The following MAP3K7 variants were observed in gnomAD, a reference collection of about 807,000 sequenced individuals.
MAP3K7 encodes the protein TGF-beta activated kinase 1.
A neutral mutation model predicts 84.8 loss-of-function variants in MAP3K7; 21 were observed. The ratio of observed to expected loss-of-function variants is 0.25; its 90% CI spans 0.18 to 0.36. The LOEUF is 0.36. MAP3K7 is among the 10% of genes least tolerant of loss of function. MAP3K7 has a pLI of 1.00. For synonymous variants in MAP3K7, 241 were observed against 247.7 expected (o/e 0.97, Z 0.25); for missense variants, 503 against 747.7 (o/e 0.67, Z 3.82).
In MAP3K7 at chr6:90,516,450, TAA is replaced by T. The variant is rs200763682; in HGVS notation, c.*49_*50del. On this transcript the variant is annotated 3_prime_UTR_variant, in exon 17 of 17. Transcript: ENST00000369329. The stretch of plus-strand genomic sequence containing the variant: ...CGTCATTATAAGGTTTTCCTTTCCT[TAA>T]AAAAAAAGTCTTTCTTTGCATATTT... The T allele has an allele frequency of 8.4e-6, 13 of 1,540,052 alleles. 1 individual carries two copies. Among genetic ancestry groups the T allele is most frequent in the Middle Eastern group, 1.7e-4 (1 of 5,844 alleles).
intron 5 of MAP3K7, among the ~76,000 whole-genome samples, chr6:90,558,157 CT>C (rs569948169): frequency 3.8e-4 from 58 of 151,860 alleles, no homozygotes; most frequent in Non-Finnish European, 6.5e-4. Flanking sequence ...CCTGTCTCTA[CT>C]AAAAATACAA....
chr6:90,523,680 G>A lies in MAP3K7; in HGVS notation c.1460C>T (p.Thr487Ile). ...RSHPWTPDDS[T>I]DTNGSDNSIP... ...GTATGAAGAAACAGACTGGTCACCTGTGGAATCATCAGGGGTCCATGGATG... is the reference window on the plus strand; with the variant it reads ...GTATGAAGAAACAGACTGGTCACCTATGGAATCATCAGGGGTCCATGGATG... The change falls in exon 14 of 17, where the codon ACA becomes ATA. Residue 487 changes from threonine to isoleucine, a missense_variant and splice_region_variant. By Grantham distance (89) the Thr-to-Ile change is moderately conservative. Coordinates refer to ENST00000369329, the MANE Select transcript of MAP3K7 (RefSeq NM_145331.3). 6.2e-7 allele frequency: 1 copy of A among 1,606,976 alleles called. No homozygotes were observed. Among genetic ancestry groups the A allele is most frequent in the Non-Finnish European group, 8.5e-7 (1 of 1,173,648 alleles).
chr6:90,552,257 A>G, intron 7 of MAP3K7, 78 bp from the exon 8 acceptor site: 1 of 1,313,856 alleles, frequency 7.6e-7, no homozygotes, highest in South Asian at 1.5e-5. Context: ...ACGTATTTCC[A>G]AAGTGGTATT....
At chr6:90,567,319 C>G (rs1776742146) in intron 3 of MAP3K7, among the ~76,000 whole-genome samples, 1 of 152,162 alleles carries the variant, frequency 6.6e-6, no homozygotes, top group Non-Finnish European at 1.5e-5. Flanking sequence ...ACGCATCTGA[C>G]AAAGGGCTAA....
chr6:90,562,919 A>G (rs1776575174), intron 3 of MAP3K7, among the ~76,000 whole-genome samples: 1 of 152,096 alleles, frequency 6.6e-6, no homozygotes, highest in South Asian at 2.1e-4. Context: ...GTTCTGCAGT[A>G]TTTGCTGTTC....
intron 6 of MAP3K7, among the ~76,000 whole-genome samples, 181 bp from the exon 7 acceptor site, chr6:90,553,767 T>A (rs975610809): frequency 6.6e-6 from 1 of 152,212 alleles, no homozygotes; most frequent in Non-Finnish European, 1.5e-5. Flanking sequence ...TTAAATGAAT[T>A]AAGTATCAAC....
intron 9 of MAP3K7, among the ~76,000 whole-genome samples, chr6:90,549,861 T>C (rs1776125745): frequency 6.6e-6 from 1 of 152,222 alleles, no homozygotes; most frequent in Non-Finnish European, 1.5e-5. Flanking sequence ...TTTCAATAAA[T>C]GCAGGGTAAA....
At chr6:90,556,455 G>A (rs1027897324) in intron 6 of MAP3K7, 45 bp downstream of exon 6, 4 of 1,578,612 alleles carry the variant, frequency 2.5e-6, no homozygotes, top group East Asian at 4.5e-5. Context: ...GAATTCACAA[G>A]GAGTGAGGGA....
intron 1 of MAP3K7, among the ~76,000 whole-genome samples, chr6:90,586,135 G>A (rs1777441498): frequency 6.6e-6 from 1 of 152,016 alleles, no homozygotes; most frequent in Non-Finnish European, 1.5e-5. Flanking sequence ...CACTTTGGGA[G>A]GCCGAGGCGG....
At chr6:90,556,776 T>A in intron 5 of MAP3K7, 152 bp from the exon 6 acceptor site, 3 of 744,672 alleles carry the variant, frequency 4.0e-6, no homozygotes, top group Non-Finnish European at 6.2e-6. Context: ...TTGGTCACTA[T>A]AAAAGCCTAA....
chr6:90,522,231 G>A (rs1775175040), intron 14 of MAP3K7, among the ~76,000 whole-genome samples: 1 of 152,122 alleles, frequency 6.6e-6, no homozygotes, highest in African/African-American at 2.4e-5. Flanking sequence ...ACAATGGGAC[G>A]GGAGTTGGAA....
chr6:90,526,971 TAA>T (rs1775342107), intron 13 of MAP3K7, among the ~76,000 whole-genome samples: 1 of 151,792 alleles, frequency 6.6e-6, no homozygotes, highest in Non-Finnish European at 1.5e-5. Flanking sequence ...AAAATAAAAA[TAA>T]AAAGACACAA....
chr6:90,519,413 A>C (rs1443006353), intron 14 of MAP3K7, 94 bp from the exon 15 acceptor site: 2 of 741,538 alleles, frequency 2.7e-6, no homozygotes, highest in Non-Finnish European at 4.5e-6. Context: ...TTTTCCCTAA[A>C]GTAAATAATA....
chr6:90,584,695 G>GT (rs2127787274), intron 1 of MAP3K7, among the ~76,000 whole-genome samples: 1 of 152,270 alleles, frequency 6.6e-6, no homozygotes, highest in African/African-American at 2.4e-5. Context: ...AACTAAGGTT[G>GT]TAAGAACCAA....
At chr6:90,521,606 T>C (rs1210129262) in intron 14 of MAP3K7, among the ~76,000 whole-genome samples, 11 of 152,114 alleles carry the variant, frequency 7.2e-5, no homozygotes, top group African/African-American at 2.2e-4. Flanking sequence ...TTACTTTTAA[T>C]GTGTCAGTAT....
At chr6:90,579,284 A>C (rs1777188457) in intron 1 of MAP3K7, among the ~76,000 whole-genome samples, 2 of 152,224 alleles carry the variant, frequency 1.3e-5, no homozygotes, top group Admixed American at 6.5e-5. Context: ...GGGTTAATAG[A>C]AGGCTTGTGT....
rs142297625 is a variant in MAP3K7 at position 90,548,321 on chromosome 6, A to G, written c.950-144T>C. 153 of 677,410 alleles carry G rather than the reference A, an allele frequency of 2.3e-4. No homozygotes were observed. The East Asian group carries it at 3.0e-3, about 13-fold the overall frequency. 42.0% of individuals were successfully genotyped at this position (677,410 alleles called of 1,614,324 possible). ...ACTTTTCAAGCTAATGAAGATATCC[A>G]AACAAACCCATTTTAAGAGAAACTT... On this transcript the variant is annotated intron_variant, in intron 9 of 16. Coordinates refer to ENST00000369329, the MANE Select transcript of MAP3K7 (RefSeq NM_145331.3).
At chr6:90,530,343 AG>A (rs2127961108) in intron 13 of MAP3K7, among the ~76,000 whole-genome samples, 1 of 152,352 alleles carries the variant, frequency 6.6e-6, no homozygotes, top group South Asian at 2.1e-4. Flanking sequence ...TATTTAAAAA[AG>A]AGGTCACTGA....
intron 3 of MAP3K7, among the ~76,000 whole-genome samples, chr6:90,563,102 T>C (rs920633635): frequency 6.6e-6 from 1 of 152,014 alleles, no homozygotes; most frequent in Non-Finnish European, 1.5e-5. Flanking sequence ...CAAAGGTAGA[T>C]AAAAACCACA....
Sources: gnomAD v4.1 joint callset for allele counts (sites outside exome capture counted in the v4.1 genomes callset) on GRCh38, gnomAD v4.1.1 for gene constraint, MANE v1.5 for transcripts, NCBI Gene and HGNC (gene_info 2026-07-23, HGNC 2026-07-21) for gene names.